SLC30A4: variants seen among roughly 807,000 people sequenced by gnomAD.
SLC30A4 encodes solute carrier family 30 member 4, also known as probable proton-coupled zinc antiporter SLC30A4.
SLC30A4 carries 20 observed loss-of-function variants against 41.7 expected under a neutral mutation model. The observed-to-expected ratio is 0.48, with a 90% confidence interval of 0.34 to 0.70. The LOEUF (loss-of-function observed/expected upper bound fraction) is 0.70, where lower values mean the gene tolerates loss of function less well. Among genes scored for constraint, SLC30A4 ranks in the 30% least tolerant of loss-of-function variants. The probability of loss-of-function intolerance (pLI) is 0.01; values close to 1 mark genes in which losing one functional copy is unlikely to be tolerated. For missense variants in SLC30A4, 441 were observed against 529.3 expected (o/e 0.83, Z 1.64); for synonymous variants, 181 against 195.9 (o/e 0.92, Z 0.64).
intron 3 of SLC30A4, among the ~76,000 whole-genome samples, chr15:45,503,436 G>A (rs1409526718): frequency 6.6e-6 from 1 of 151,906 alleles, no homozygotes; most frequent in East Asian, 1.9e-4. Context: ...GGCCAATATG[G>A]TGAAACCCCG....
At chr15:45,493,796 C>T (rs1340344044) in intron 3 of SLC30A4, among the ~76,000 whole-genome samples, 1 of 152,026 alleles carries the variant, frequency 6.6e-6, no homozygotes, top group East Asian at 1.9e-4. Flanking sequence ...CACTGCAACC[C>T]AGCCTGGCCG....
chr15:45,487,841 G>A (rs1202683746), intron 5 of SLC30A4, among the ~76,000 whole-genome samples: 3 of 151,970 alleles, frequency 2.0e-5, no homozygotes, highest in African/African-American at 4.8e-5. Context: ...TTCCAGAAAT[G>A]TAATCACTTG....
chr15:45,486,472 T>C, intron 7 of SLC30A4, 139 bp downstream of exon 7: 2 of 752,822 alleles, frequency 2.7e-6, no homozygotes, highest in Non-Finnish European at 4.1e-6. Context: ...AAGCCTTTGT[T>C]TTTTAAAGAC....
intron 1 of SLC30A4, 36 bp downstream of exon 1, chr15:45,522,571 G>A (rs1250626091): frequency 8.2e-5 from 40 of 489,032 alleles, no homozygotes; most frequent in Non-Finnish European, 7.1e-6. Context: ...ACGCTCCGCC[G>A]GGGCTCCGCG....
chr15:45,517,500 C>T (rs572343939), intron 2 of SLC30A4, among the ~76,000 whole-genome samples: 8 of 151,408 alleles, frequency 5.3e-5, no homozygotes, highest in Admixed American at 2.6e-4. Context: ...ATTACAGGCA[C>T]GTGCCACCAT....
At chr15:45,505,021 G>A (rs1190590589) in intron 3 of SLC30A4, among the ~76,000 whole-genome samples, 4 of 151,788 alleles carry the variant, frequency 2.6e-5, no homozygotes, top group African/African-American at 4.8e-5. Flanking sequence ...ACATGAGGTC[G>A]GGAGTTCGAG....
At chr15:45,504,498 C>T (rs985823417) in intron 3 of SLC30A4, among the ~76,000 whole-genome samples, 2 of 152,152 alleles carry the variant, frequency 1.3e-5, no homozygotes, top group African/African-American at 4.8e-5. Flanking sequence ...TTATCGCTAA[C>T]ACCTAAAAGC....
intron 3 of SLC30A4, among the ~76,000 whole-genome samples, chr15:45,498,255 A>G (rs1891945760): frequency 6.6e-6 from 1 of 152,100 alleles, no homozygotes; most frequent in African/African-American, 2.4e-5. Context: ...CCTTCTTCCA[A>G]TAGAGGATAG....
chr15:45,501,315 A>T (rs1393877503), intron 3 of SLC30A4, among the ~76,000 whole-genome samples: 1 of 152,098 alleles, frequency 6.6e-6, no homozygotes, highest in Non-Finnish European at 1.5e-5. Flanking sequence ...CTCAAAAAAA[A>T]AAATTATGGA....
chr15:45,510,323 T>A (rs1892257651), intron 3 of SLC30A4, among the ~76,000 whole-genome samples: 1 of 152,160 alleles, frequency 6.6e-6, no homozygotes, highest in South Asian at 2.1e-4. Context: ...ACAGTCTAAG[T>A]TTTTTTAGGC....
intron 3 of SLC30A4, among the ~76,000 whole-genome samples, chr15:45,491,633 G>A (rs1407210829): frequency 6.6e-6 from 1 of 152,144 alleles, no homozygotes; most frequent in Middle Eastern, 3.2e-3. Flanking sequence ...AGGGTGGCAC[G>A]TCTCACACAT....
chr15:45,517,611 C>T (rs954040968), intron 2 of SLC30A4, among the ~76,000 whole-genome samples: 4 of 151,924 alleles, frequency 2.6e-5, no homozygotes, highest in Non-Finnish European at 5.9e-5. Flanking sequence ...GCAGAGTAAT[C>T]TTTCAAAAAG....
At chr15:45,491,556 G>A (rs900961650) in intron 3 of SLC30A4, among the ~76,000 whole-genome samples, 37 of 152,154 alleles carry the variant, frequency 2.4e-4, no homozygotes, top group African/African-American at 8.2e-4. Flanking sequence ...GTGAGACTCC[G>A]TCTCTCTTGG....
chr15:45,515,046 AT>A (rs1357385196), intron 2 of SLC30A4, among the ~76,000 whole-genome samples: 7,141 of 143,106 alleles, frequency 0.05, 561 homozygotes, highest in African/African-American at 0.17. Context: ...CACCTTGCTA[AT>A]TTTTTTTTTT....
In SLC30A4 at chr15:45,522,240, C is replaced by T; in HGVS notation, c.115G>A (p.Gly39Arg). 6.2e-7 allele frequency: 1 copy of T among 1,614,216 alleles called. No homozygotes were observed. ...CGAAGTTTGTTGAACCGAGAAAGCC[C>T]CTCGTCCCCCGCCTCATCCGAGAAG... ...FDFSDEAGDE[G>R]LSRFNKLRVV... The change falls in exon 2 of 8, where the codon GGG becomes AGG. Residue 39 changes from glycine to arginine, a missense_variant. Physicochemically the swap from Gly to Arg is moderately radical, Grantham distance 125. This residue lies in a region of SLC30A4 where 312 missense variants were observed against 341.9 expected (regional missense o/e 0.91). Transcript: ENST00000261867.
rs1367930124 is a variant in SLC30A4 at position 45,484,606 on chromosome 15, C to T, written c.*557G>A. The T allele has an allele frequency of 1.3e-5, 2 of 152,152 alleles. No individual in the cohort carries two copies. The highest frequency in any genetic ancestry group is 4.8e-5 in the African/African-American group (2 of 41,422). The allele number at this position is 152,152 out of a possible 1,614,324, so 9.4% of individuals were successfully genotyped here. ...TATAATCATAACAATAACATTAAGA[C>T]TTATGTGTGAAATAAAACATTTCTG... On this transcript the variant is annotated 3_prime_UTR_variant, in exon 8 of 8. Transcript: ENST00000261867.
chr15:45,492,044 C>G (rs1033926614), intron 3 of SLC30A4, among the ~76,000 whole-genome samples: 1 of 151,944 alleles, frequency 6.6e-6, no homozygotes, highest in African/African-American at 2.4e-5. Context: ...GTGGAAGTAT[C>G]AAATAGTATT....
intron 2 of SLC30A4, among the ~76,000 whole-genome samples, chr15:45,515,066 T>C (rs1385448918): frequency 1.3e-5 from 2 of 151,858 alleles, no homozygotes; most frequent in Admixed American, 6.6e-5. Context: ...TTTTAATTTT[T>C]ATTAGAGACA....
intron 2 of SLC30A4, chr15:45,512,448 A>T (rs1397422852): frequency 3.3e-5 from 5 of 152,234 alleles, no homozygotes; most frequent in African/African-American, 1.2e-4. Flanking sequence ...CTGCATGATC[A>T]GGTAAGTGTG....
Sources: gnomAD v4.1 joint callset for allele counts (sites outside exome capture counted in the v4.1 genomes callset) on GRCh38, gnomAD v4.1.1 for gene constraint, gnomAD v4.1.1 regional missense constraint, MANE v1.5 for transcripts, NCBI Gene and HGNC (gene_info 2026-07-23, HGNC 2026-07-21) for gene names.